Variants in USP39 observed in about 807,000 individuals in gnomAD.
USP39 encodes the protein ubiquitin carboxyl-terminal hydrolase 39.
In USP39, 38 loss-of-function variants were observed where a neutral mutation model predicts 66.4. That is an observed-to-expected ratio of 0.57 (90% CI 0.44 to 0.75). The LOEUF is 0.75. Among genes scored for constraint, USP39 ranks in the 30% least tolerant of loss-of-function variants. The pLI is 0.00. For synonymous variants in USP39, 303 were observed against 274.6 expected, an observed-to-expected ratio of 1.10 and a Z score of -1.02; for missense variants, 608 against 714.4, an observed-to-expected ratio of 0.85 and a Z score of 1.70.
Position 85,626,215 on chromosome 2 carries a change from C to T in USP39, c.723+524C>T, listed in dbSNP as rs558202569. Among the ~76,000 whole-genome samples, 53 of 151,882 alleles carry T rather than the reference C, an allele frequency of 3.5e-4. 1 individual carries two copies. The South Asian group carries it at 4.4e-3, about 13-fold the overall frequency. ...TCTCTACTAAAAATACAAAATTAGC[C>T]GGGCTTGGTGGTGCATGCCTGTAAT... On this transcript the variant is annotated intron_variant, in intron 5 of 12. Coordinates refer to ENST00000323701, the MANE Select transcript of USP39 (RefSeq NM_006590.4).
upstream of USP39, chr2:85,607,476 C>A (rs1311909967): frequency 6.6e-6 from 1 of 152,240 alleles, no homozygotes; most frequent in Non-Finnish European, 1.5e-5. Context: ...CTCTGTAGGT[C>A]TGGAGCATTC....
At chr2:85,645,316 G>C in intron 11 of USP39, 1 of 425,708 alleles carries the variant, frequency 2.3e-6, no homozygotes, top group South Asian at 2.8e-5. Flanking sequence ...TCGCTCTGTA[G>C]CCCAGGCTGG....
chr2:85,616,121 C>G (rs1673905369), upstream of USP39: 9 of 1,387,414 alleles, frequency 6.5e-6, no homozygotes, highest in Admixed American at 3.3e-5. Context: ...CTACCAGCCC[C>G]TCTCCTGATT....
At chr2:85,644,132 C>G (rs1289987884) in intron 10 of USP39, among the ~76,000 whole-genome samples, 1 of 152,192 alleles carries the variant, frequency 6.6e-6, no homozygotes, top group African/African-American at 2.4e-5. Context: ...TAATTTTGAA[C>G]AGTTAATATG....
At chr2:85,637,323 G>A (rs553240501) in intron 7 of USP39, 46 bp from the exon 8 acceptor site, 9 of 1,600,242 alleles carry the variant, frequency 5.6e-6, no homozygotes, top group Non-Finnish European at 7.7e-6. Context: ...CTTCAGACAT[G>A]TTTTCCATCC....
At chr2:85,635,756 G>A (rs1050526279) in intron 6 of USP39, among the ~76,000 whole-genome samples, 3 of 152,182 alleles carry the variant, frequency 2.0e-5, no homozygotes, top group African/African-American at 7.2e-5. Flanking sequence ...GCTCACTCTG[G>A]AGAAAAGTGG....
chr2:85,615,712 C>T (rs188967589), upstream of USP39, among the ~76,000 whole-genome samples: 234 of 152,326 alleles, frequency 1.5e-3, no homozygotes, highest in African/African-American at 5.3e-3. Context: ...CTCACCGCAA[C>T]CTCCGCCTCC....
intron 6 of USP39, among the ~76,000 whole-genome samples, chr2:85,634,081 T>C (rs112619517): frequency 0.076 from 11,368 of 150,042 alleles, 1,439 homozygotes; most frequent in African/African-American, 0.26. Context: ...TCGTGATCCG[T>C]CCGCCTCGGC....
At chr2:85,641,485 CA>C (rs553431463) in intron 10 of USP39, among the ~76,000 whole-genome samples, 8 of 152,198 alleles carry the variant, frequency 5.3e-5, no homozygotes, top group Non-Finnish European at 1.0e-4. Context: ...CACCTTTTTG[CA>C]CACTAGAGTT....
At chr2:85,630,313 T>A (rs187433924) in intron 5 of USP39, among the ~76,000 whole-genome samples, 37 of 152,322 alleles carry the variant, frequency 2.4e-4, no homozygotes, top group African/African-American at 8.7e-4. Context: ...AGGTAGTTAT[T>A]TTTGCTTCAA....
chr2:85,611,263 T>C (rs1558839782), upstream of USP39: 2 of 1,381,344 alleles, frequency 1.4e-6, no homozygotes, highest in African/African-American at 3.0e-5. Context: ...TTGACCGTCA[T>C]ATATTAACCA....
intron 3 of USP39, among the ~76,000 whole-genome samples, chr2:85,623,165 G>GT (rs1674591757): frequency 6.6e-6 from 1 of 152,102 alleles, no homozygotes; most frequent in Non-Finnish European, 1.5e-5. Context: ...CATGAAAAAA[G>GT]TTACATAGAT....
At chr2:85,611,149 A>C (rs963320785), upstream of USP39, 15 of 630,202 alleles carry the variant, frequency 2.4e-5, no homozygotes, top group South Asian at 3.5e-5. Flanking sequence ...CTAAGGCTGC[A>C]GTAAGCCCAG....
chr2:85,631,445 G>C (rs1313218907), intron 6 of USP39, among the ~76,000 whole-genome samples: 1 of 150,476 alleles, frequency 6.6e-6, no homozygotes, highest in East Asian at 2.0e-4. Context: ...GCTTCAAGTA[G>C]CTATGATTAC....
intron 7 of USP39, among the ~76,000 whole-genome samples, 192 bp downstream of exon 7, chr2:85,636,322 T>C (rs1429819305): frequency 1.3e-5 from 2 of 152,008 alleles, no homozygotes; most frequent in South Asian, 2.1e-4. Context: ...ACAAAAGTTA[T>C]TCAGGTGTGG....
In USP39 at chr2:85,645,029, C is replaced by T. The variant is rs1300415456; in HGVS notation, c.1509C>T (p.Ile503=). 20 of 1,614,058 alleles carry T rather than the reference C, an allele frequency of 1.2e-5. No individual in the cohort carries two copies. Among genetic ancestry groups the T allele is most frequent in the Middle Eastern group, 1.6e-4 (1 of 6,084 alleles). The change falls in exon 11 of 13, where the codon ATC becomes ATT. Residue 503 remains isoleucine (I), a synonymous_variant. Transcript: ENST00000323701. ...KNTTYDLIAN[I]VHDGKPSEGS... ...CCACCTATGACCTCATTGCCAACAT[C>T]GTGCATGACGGCAAGCCCTCCGAGG...
chr2:85,639,149 G>C (rs975571229), intron 8 of USP39, 54 bp from the exon 9 acceptor site: 2 of 1,525,432 alleles, frequency 1.3e-6, no homozygotes, highest in African/African-American at 2.8e-5. Flanking sequence ...GTTCTGTGTT[G>C]GTTCCTATAC....
chr2:85,615,052 C>G (rs547030721), upstream of USP39, among the ~76,000 whole-genome samples: 24 of 149,316 alleles, frequency 1.6e-4, no homozygotes, highest in South Asian at 4.6e-3. Flanking sequence ...CAGAGTTTCA[C>G]TCTGGTTGCC....
chr2:85,623,980 C>G (rs1274115456), intron 4 of USP39, among the ~76,000 whole-genome samples, 198 bp downstream of exon 4: 1 of 152,172 alleles, frequency 6.6e-6, no homozygotes, highest in African/African-American at 2.4e-5. Context: ...TGTAACTTAA[C>G]TGTCATTTCT....
Sources: gnomAD v4.1 joint callset for allele counts (sites outside exome capture counted in the v4.1 genomes callset) on GRCh38, gnomAD v4.1.1 for gene constraint, MANE v1.5 for transcripts, NCBI Gene and HGNC (gene_info 2026-07-23, HGNC 2026-07-21) for gene names.